FSTL5: variants seen among roughly 807,000 people sequenced by gnomAD.
FSTL5 encodes the protein follistatin like 5.
Under a neutral mutation model 89.1 loss-of-function variants are expected in FSTL5, and 62 were observed. The ratio of observed to expected loss-of-function variants is 0.70; its 90% CI spans 0.57 to 0.86. The LOEUF is 0.86. FSTL5 is among the 40% of genes least tolerant of loss of function. The pLI, the probability that FSTL5 is intolerant of heterozygous loss-of-function variation, is 0.00. For synonymous variants in FSTL5, 383 were observed against 346.2 expected (o/e 1.11, Z -1.18); for missense variants, 1,057 against 1,001.6 (o/e 1.06, Z -0.75).
intron 3 of FSTL5, among the ~76,000 whole-genome samples, chr4:161,984,069 C>T (rs1158034467): frequency 6.6e-6 from 1 of 151,986 alleles, no homozygotes; most frequent in East Asian, 1.9e-4. Flanking sequence ...ATCTGATAAA[C>T]ATATTTCTCC....
At chr4:161,907,793 G>A (rs1055773412) in intron 4 of FSTL5, among the ~76,000 whole-genome samples, 13 of 151,996 alleles carry the variant, frequency 8.6e-5, no homozygotes, top group African/African-American at 2.7e-4. Context: ...GGAGGTTAGC[G>A]TGCATGACAA....
intron 7 of FSTL5, among the ~76,000 whole-genome samples, chr4:161,651,844 G>T (rs1315155853): frequency 6.6e-6 from 1 of 152,056 alleles, no homozygotes; most frequent in Non-Finnish European, 1.5e-5. Flanking sequence ...GCAGTTTGGT[G>T]GTATGCTTTT....
At chr4:161,971,685 C>T (rs973966328) in intron 3 of FSTL5, among the ~76,000 whole-genome samples, 1 of 152,068 alleles carries the variant, frequency 6.6e-6, no homozygotes, top group African/African-American at 2.4e-5. Flanking sequence ...CACACAAGGA[C>T]ATCAGTCATG....
At chr4:161,774,418 G>T (rs993170170) in intron 5 of FSTL5, among the ~76,000 whole-genome samples, 2 of 152,082 alleles carry the variant, frequency 1.3e-5, no homozygotes, top group Non-Finnish European at 2.9e-5. Context: ...ACAGTTTGTG[G>T]TATTTTCTTA....
chr4:161,601,051 A>G (rs909742893), intron 7 of FSTL5, among the ~76,000 whole-genome samples: 1 of 152,106 alleles, frequency 6.6e-6, no homozygotes, highest in African/African-American at 2.4e-5. Flanking sequence ...AAATCATCTA[A>G]TTTTTAAAAA....
At chr4:162,058,423 C>CT (rs764578152) in intron 2 of FSTL5, among the ~76,000 whole-genome samples, 54,096 of 111,946 alleles carry the variant, frequency 0.48, 14,422 homozygotes, top group East Asian at 0.6. Context: ...ATAAATTCCT[C>CT]TTTTTTTTTT....
At chr4:162,045,008 T>C (rs1297071132) in intron 2 of FSTL5, among the ~76,000 whole-genome samples, 1 of 152,196 alleles carries the variant, frequency 6.6e-6, no homozygotes, top group Non-Finnish European at 1.5e-5. Context: ...CACTTTCTCA[T>C]TATTCATACA....
intron 2 of FSTL5, among the ~76,000 whole-genome samples, chr4:162,107,635 A>G (rs1302365872): frequency 2.0e-5 from 3 of 152,172 alleles, no homozygotes; most frequent in Admixed American, 6.6e-5. Context: ...TCAGGAGAAG[A>G]CATTCATTTC....
At chr4:161,494,760 A>G (rs559956107) in intron 12 of FSTL5, among the ~76,000 whole-genome samples, 140 of 152,150 alleles carry the variant, frequency 9.2e-4, no homozygotes, top group Non-Finnish European at 1.7e-3. Flanking sequence ...CATTTAAGTT[A>G]GCACTAAAAC....
chr4:162,022,637 GT>G (rs1200071985), intron 3 of FSTL5: 5 of 152,070 alleles, frequency 3.3e-5, no homozygotes, highest in African/African-American at 1.2e-4. Flanking sequence ...AGAATAAAAT[GT>G]TTATGAACCC....
intron 6 of FSTL5, among the ~76,000 whole-genome samples, chr4:161,685,519 A>T (rs1170182167): frequency 6.6e-6 from 1 of 151,848 alleles, no homozygotes; most frequent in Non-Finnish European, 1.5e-5. Flanking sequence ...TACTTTTTGC[A>T]GCTATTGTAA....
intron 2 of FSTL5, among the ~76,000 whole-genome samples, chr4:162,083,140 AT>A (rs923965273): frequency 2.6e-5 from 4 of 151,772 alleles, no homozygotes; most frequent in Non-Finnish European, 3.0e-5. Flanking sequence ...ACAATATACT[AT>A]TTTATCCATT....
At chr4:162,050,886 T>A (rs748813811) in intron 2 of FSTL5, among the ~76,000 whole-genome samples, 9 of 151,312 alleles carry the variant, frequency 5.9e-5, no homozygotes, top group African/African-American at 7.2e-5. Context: ...ATTAGGCCTA[T>A]AAAATGAAAG....
chr4:161,993,731 G>T (rs1320287955), intron 3 of FSTL5, among the ~76,000 whole-genome samples: 1 of 148,952 alleles, frequency 6.7e-6, no homozygotes, highest in Non-Finnish European at 1.5e-5. Flanking sequence ...ATTTGGGGGA[G>T]AGGGAAGTGA....
At chr4:161,856,660 G>GTA (rs1228042548) in intron 4 of FSTL5, among the ~76,000 whole-genome samples, 48 of 56,612 alleles carry the variant, frequency 8.5e-4, no homozygotes, top group Admixed American at 2.5e-3. Context: ...TTGTGTGTGT[G>GTA]TGTATATATA....
chr4:161,967,938 T>TC (rs1392437300), intron 3 of FSTL5, among the ~76,000 whole-genome samples: 3 of 151,970 alleles, frequency 2.0e-5, no homozygotes, highest in African/African-American at 7.2e-5. Flanking sequence ...CTAGATAATT[T>TC]CCCCCAGGAG....
intron 11 of FSTL5, among the ~76,000 whole-genome samples, chr4:161,502,388 C>T (rs1032951165): frequency 5.3e-5 from 8 of 151,836 alleles, no homozygotes; most frequent in Admixed American, 3.9e-4. Context: ...AACGTTTTTA[C>T]AAAGCATAAA....
chr4:162,002,798 T>G (rs1736503204), intron 3 of FSTL5, among the ~76,000 whole-genome samples: 1 of 152,172 alleles, frequency 6.6e-6, no homozygotes, highest in Non-Finnish European at 1.5e-5. Flanking sequence ...ATTGTTGTTT[T>G]TTTTTTCATG....
chr4:161,865,707 A>T (rs567271342), intron 4 of FSTL5, among the ~76,000 whole-genome samples: 3,164 of 152,280 alleles, frequency 0.021, 109 homozygotes, highest in African/African-American at 0.069. Flanking sequence ...CAGTGAAAAA[A>T]ATAGGCTGGT....
Sources: allele counts gnomAD v4.1 joint callset (sites outside exome capture counted in the v4.1 genomes callset), GRCh38; gene constraint gnomAD v4.1.1; transcripts MANE v1.5; gene names NCBI Gene and HGNC (gene_info 2026-07-23, HGNC 2026-07-21).